TTC29: variants seen among roughly 807,000 people sequenced by gnomAD.
TTC29 encodes tetratricopeptide repeat protein 29.
Under a neutral mutation model 58.1 loss-of-function variants are expected in TTC29, and 49 were observed. The observed-to-expected ratio is 0.84, with a 90% confidence interval of 0.67 to 1.07. TTC29 has a LOEUF of 1.07. Ranked by LOEUF, TTC29 falls within the 50% of genes least tolerant of loss-of-function variation. TTC29 has a pLI of 0.00. For missense variants in TTC29, 582 were observed against 555.6 expected (o/e 1.05, Z -0.48); for synonymous variants, 209 against 196.8 (o/e 1.06, Z -0.52).
chr4:146,924,344 C>G (rs1322102682), intron 4 of TTC29, among the ~76,000 whole-genome samples: 1 of 151,634 alleles, frequency 6.6e-6, no homozygotes, highest in Non-Finnish European at 1.5e-5. Context: ...TATTTCTTCC[C>G]CTAATGTTAG....
chr4:146,852,553 G>A (rs1729579177), intron 8 of TTC29, among the ~76,000 whole-genome samples: 2 of 152,232 alleles, frequency 1.3e-5, no homozygotes. Flanking sequence ...CAGCCTGGCT[G>A]CATGCATTTG....
intron 8 of TTC29, among the ~76,000 whole-genome samples, chr4:146,853,365 C>T (rs1455934829): frequency 6.6e-6 from 1 of 152,000 alleles, no homozygotes; most frequent in African/African-American, 2.4e-5. Flanking sequence ...TCATAATGTA[C>T]ACTGTTTAAT....
intron 4 of TTC29, among the ~76,000 whole-genome samples, chr4:146,909,883 C>G (rs1254572113): frequency 6.6e-6 from 1 of 152,024 alleles, no homozygotes; most frequent in Non-Finnish European, 1.5e-5. Flanking sequence ...AAGTGCCAGG[C>G]GCTGTTCTAG....
At chr4:146,749,994 A>G (rs1480601907) in intron 11 of TTC29, among the ~76,000 whole-genome samples, 1 of 151,768 alleles carries the variant, frequency 6.6e-6, no homozygotes, top group Non-Finnish European at 1.5e-5. Flanking sequence ...AAACTGAGGG[A>G]ATTTATTGCC....
At chr4:146,904,315 T>C (rs546851693) in intron 5 of TTC29, among the ~76,000 whole-genome samples, 2 of 152,276 alleles carry the variant, frequency 1.3e-5, no homozygotes, top group African/African-American at 2.4e-5. Flanking sequence ...TTTCTAGCAA[T>C]GTTAAGAAAG....
intron 11 of TTC29, among the ~76,000 whole-genome samples, chr4:146,777,547 C>A (rs1748202871): frequency 6.6e-6 from 1 of 152,128 alleles, no homozygotes; most frequent in African/African-American, 2.4e-5. Context: ...CTTCATATTA[C>A]TTTTTCTCTA....
In TTC29 at chr4:146,820,188, G is replaced by C; in HGVS notation, c.1038C>G (p.Asn346Lys). The C allele has an allele frequency of 6.2e-7, 1 of 1,613,000 alleles. No individual in the cohort carries two copies. Among genetic ancestry groups the C allele is most frequent in the Non-Finnish European group, 8.5e-7 (1 of 1,179,728 alleles). Residue 346 changes from asparagine to lysine, a missense_variant, in exon 10 of 13, where the codon AAC (asparagine) becomes AAG (lysine). Asn to Lys is a moderately conservative substitution (Grantham distance 94). Coordinates refer to ENST00000325106, the MANE Select transcript of TTC29 (RefSeq NM_031956.4). ...TCACCAAATCTAGGCTTTGAAAATT[G>C]TTTCTTGCAATTTTCACAAATTTTT... ...YLKKFVKIAR[N>K]NFQSLDLVRA... is the part of the protein sequence containing the mutation.
chr4:146,871,490 A>G (rs1344036430), intron 7 of TTC29, among the ~76,000 whole-genome samples: 1 of 151,936 alleles, frequency 6.6e-6, no homozygotes, highest in Non-Finnish European at 1.5e-5. Flanking sequence ...TGCAGATACC[A>G]TAGTCTTGTA....
intron 4 of TTC29, among the ~76,000 whole-genome samples, chr4:146,917,594 A>G (rs151203214): frequency 0.17 from 22,874 of 133,818 alleles, 2,928 homozygotes; most frequent in African/African-American, 0.35. Context: ...GATATTATAT[A>G]CATTATATAT....
chr4:146,763,017 T>C (rs1237339501), intron 11 of TTC29, among the ~76,000 whole-genome samples: 1 of 152,030 alleles, frequency 6.6e-6, no homozygotes, highest in Non-Finnish European at 1.5e-5. Flanking sequence ...TTTGCATTTT[T>C]AATAGTTCTG....
intron 9 of TTC29, among the ~76,000 whole-genome samples, chr4:146,832,590 G>T (rs1728237194): frequency 6.6e-6 from 1 of 152,018 alleles, no homozygotes; most frequent in East Asian, 1.9e-4. Flanking sequence ...TCCTGCCTCA[G>T]CCTCCCGAGT....
chr4:146,738,714 C>G (rs571029981), intron 11 of TTC29, among the ~76,000 whole-genome samples: 1 of 152,256 alleles, frequency 6.6e-6, no homozygotes, highest in African/African-American at 2.4e-5. Context: ...TGCCCCGCAG[C>G]GAGACTCTAA....
At chr4:146,882,313 C>A (rs1381685732) in intron 6 of TTC29, among the ~76,000 whole-genome samples, 2 of 152,006 alleles carry the variant, frequency 1.3e-5, no homozygotes, top group Admixed American at 1.3e-4. Flanking sequence ...CATTAGGCAG[C>A]TTTACTCTTA....
intron 11 of TTC29, among the ~76,000 whole-genome samples, chr4:146,776,188 A>G (rs1348935757): frequency 6.6e-6 from 1 of 152,000 alleles, no homozygotes; most frequent in Admixed American, 6.6e-5. Context: ...TATTTTCTGT[A>G]TTGTTTCATT....
chr4:146,795,489 T>C (rs906174142), intron 11 of TTC29, among the ~76,000 whole-genome samples: 21 of 152,152 alleles, frequency 1.4e-4, no homozygotes, highest in African/African-American at 4.6e-4. Context: ...ATATTTGTCA[T>C]GAAAAGCATT....
At chr4:146,761,713 A>G (rs1223960718) in intron 11 of TTC29, among the ~76,000 whole-genome samples, 8 of 60,810 alleles carry the variant, frequency 1.3e-4, no homozygotes, top group African/African-American at 4.3e-4. Flanking sequence ...GCTCCCTTTT[A>G]CTTACTCTTT....
intron 11 of TTC29, among the ~76,000 whole-genome samples, chr4:146,771,553 C>T (rs2150074580): frequency 6.6e-6 from 1 of 152,152 alleles, no homozygotes; most frequent in Middle Eastern, 3.4e-3. Flanking sequence ...GGATAATGGC[C>T]TCCAGCTCTA....
At chr4:146,761,209 T>A (rs935933458) in intron 11 of TTC29, among the ~76,000 whole-genome samples, 10 of 151,900 alleles carry the variant, frequency 6.6e-5, no homozygotes, top group Non-Finnish European at 1.0e-4. Flanking sequence ...AAATACCACC[T>A]GAACCCCAAT....
chr4:146,878,729 A>G (rs1360671180), intron 6 of TTC29, among the ~76,000 whole-genome samples: 1 of 152,200 alleles, frequency 6.6e-6, no homozygotes, highest in Admixed American at 6.6e-5. Context: ...TTCCAGTTCT[A>G]TAATTCTCTG....
Sources: allele counts gnomAD v4.1 joint callset (sites outside exome capture counted in the v4.1 genomes callset), GRCh38; gene constraint gnomAD v4.1.1; transcripts MANE v1.5; gene names NCBI Gene and HGNC (gene_info 2026-07-23, HGNC 2026-07-21).